The following EMP1 variants were observed in gnomAD, a reference collection of about 807,000 sequenced individuals.
EMP1 encodes epithelial membrane protein 1.
In EMP1, 5 loss-of-function variants were observed where a neutral mutation model predicts 15.7. The observed-to-expected ratio is 0.32, with a 90% CI of 0.17 to 0.67. The LOEUF (loss-of-function observed/expected upper bound fraction) is 0.67. Among genes scored for constraint, EMP1 ranks in the 30% least tolerant of loss-of-function variants. The pLI is 0.74. For synonymous variants in EMP1, 78 were observed against 76.7 expected (o/e 1.02, Z -0.09); for missense variants, 166 against 194.2 (o/e 0.85, Z 0.86).
At position 13,219,003 on chromosome 12, in the gene EMP1, T is replaced by G. The variant is rs1864237374; in HGVS notation, c.*4312T>G. The stretch of plus-strand genomic sequence containing the variant: ...CAATTGTCTGGCATCTCCTGTGGGT[T>G]GGACCACTGCTGCATTTCTTACTTG... On this transcript the variant is annotated 3_prime_UTR_variant, in exon 5 of 5. Transcript: ENST00000256951. The G allele has an allele frequency of 6.6e-6, 1 of 152,260 alleles. No homozygotes were observed. The highest frequency in any genetic ancestry group is 2.4e-5 in the African/African-American group (1 of 41,446). 9.4% of individuals were successfully genotyped at this position (152,260 alleles called of 1,614,324 possible).
At chr12:13,208,564 T>A (rs1243525599) in intron 1 of EMP1, among the ~76,000 whole-genome samples, 1 of 152,154 alleles carries the variant, frequency 6.6e-6, no homozygotes, top group Non-Finnish European at 1.5e-5. Context: ...TGAATGATAT[T>A]AGTAAAACCT....
Position 13,214,514 on chromosome 12 carries a change from A to G in EMP1, c.317-20A>G, listed in dbSNP as rs1459571293. 1.2e-6 allele frequency: 2 copies of G among 1,606,724 alleles called. No individual in the cohort carries two copies. Among genetic ancestry groups the G allele is most frequent in the African/African-American group, 1.3e-5 (1 of 74,742 alleles). On this transcript the variant is annotated intron_variant, in intron 4 of 4. Coordinates refer to ENST00000256951, the MANE Select transcript of EMP1 (RefSeq NM_001423.3). ...TTTAATGTAAGAAAACACACCGACAAATCTCCTTTTCCCCTGCAGGGCTGT... is the reference window on the plus strand; with the variant it reads ...TTTAATGTAAGAAAACACACCGACAGATCTCCTTTTCCCCTGCAGGGCTGT...
At chr12:13,208,625 C>T (rs1184458543) in intron 1 of EMP1, among the ~76,000 whole-genome samples, 1 of 152,212 alleles carries the variant, frequency 6.6e-6, no homozygotes, top group African/African-American at 2.4e-5. Flanking sequence ...TTAAGCTAAA[C>T]AGCCCCTCCT....
At chr12:13,200,865 ACGTG>A (rs1367786717) in intron 1 of EMP1, among the ~76,000 whole-genome samples, 1 of 152,212 alleles carries the variant, frequency 6.6e-6, no homozygotes, top group African/African-American at 2.4e-5. Flanking sequence ...GCTTGGACTT[ACGTG>A]GCTGTGACAG....
At chr12:13,198,431 G>A (rs546159465) in intron 1 of EMP1, among the ~76,000 whole-genome samples, 2 of 152,250 alleles carry the variant, frequency 1.3e-5, no homozygotes, top group East Asian at 3.9e-4. Context: ...CAGTACGTTG[G>A]GAGAGAAGTT....
intron 1 of EMP1, among the ~76,000 whole-genome samples, chr12:13,210,627 G>A (rs1217490859): frequency 2.0e-5 from 3 of 152,218 alleles, no homozygotes; most frequent in Admixed American, 6.5e-5. Context: ...ATTGGAATTT[G>A]TGTAAATGTC....
chr12:13,208,461 C>T (rs1302111522), intron 1 of EMP1, among the ~76,000 whole-genome samples: 1 of 152,142 alleles, frequency 6.6e-6, no homozygotes, highest in East Asian at 1.9e-4. Context: ...AGGGATGATT[C>T]AGCCCAGAAA....
chr12:13,207,928 C>T (rs1238231884), intron 1 of EMP1, among the ~76,000 whole-genome samples: 4 of 152,184 alleles, frequency 2.6e-5, no homozygotes, highest in South Asian at 4.1e-4. Flanking sequence ...TGGAACTGCT[C>T]AGTGCACCAA....
At chr12:13,204,159 T>G (rs1419490809) in intron 1 of EMP1, among the ~76,000 whole-genome samples, 1 of 152,130 alleles carries the variant, frequency 6.6e-6, no homozygotes, top group Non-Finnish European at 1.5e-5. Context: ...CTACCTGAGG[T>G]TCCTTCCTTC....
rs199851602 is a variant in EMP1 at position 13,213,710 on chromosome 12, A to T, written c.205A>T (p.Ile69Phe). 3.1e-5 allele frequency: 50 copies of T among 1,614,002 alleles called. 1 individual carries two copies. In the Admixed American group the frequency reaches 3.2e-4, roughly 10 times the overall value. Residue 69 changes from isoleucine (I) to phenylalanine (F), a missense_variant, in exon 4 of 5, where the codon ATT becomes TTT. Transcript: ENST00000256951. ...DALKTVQAFMILSIIFCVIAL... is the reference protein window; with the variant it reads ...DALKTVQAFMFLSIIFCVIAL... Reference sequence around the variant, plus strand: ...CCTCAAGACAGTGCAGGCCTTCATGATTCTCTCTATCATCTTCTGTGTCAT... The same window carrying T: ...CCTCAAGACAGTGCAGGCCTTCATGTTTCTCTCTATCATCTTCTGTGTCAT...
intron 1 of EMP1, among the ~76,000 whole-genome samples, chr12:13,199,956 T>A (rs1192069912): frequency 7.0e-6 from 1 of 143,568 alleles, no homozygotes; most frequent in South Asian, 2.3e-4. Flanking sequence ...CTTCTTCTTC[T>A]TCTTCTTCTT....
rs1320475195 is a variant in EMP1 at position 13,216,655 on chromosome 12, TG to T, written c.*1965del. The T allele has an allele frequency of 5.0e-6, 3 of 596,578 alleles. No homozygotes were observed. The African/African-American group carries it at 5.6e-5, about 11-fold the overall frequency. 37.0% of individuals were successfully genotyped at this position (596,578 alleles called of 1,614,324 possible). Reference sequence around the variant, plus strand: ...TGTAATTTGCATTACTCTGGTGGATTGTTCTAGTACTGTATTGGGCTTCTTC... The same window carrying T: ...TGTAATTTGCATTACTCTGGTGGATTTTCTAGTACTGTATTGGGCTTCTTC... On this transcript the variant is annotated 3_prime_UTR_variant, in exon 5 of 5. Transcript: ENST00000256951.
Position 13,211,408 on chromosome 12 carries a change from A to G in EMP1, c.-42-61A>G, listed in dbSNP as rs1864163288. 8.6e-7 allele frequency: 1 copy of G among 1,159,348 alleles called. No homozygotes were observed. Among genetic ancestry groups the G allele is most frequent in the African/African-American group, 1.5e-5 (1 of 64,538 alleles). 71.8% of individuals were successfully genotyped at this position (1,159,348 alleles called of 1,614,324 possible). ...AGCAGATAGCCCACACGTGTGGGAA[A>G]GCTGAGTCGTCTTATTGAATCTGAC... is the stretch of plus-strand genomic sequence containing the variant. On this transcript the variant is annotated intron_variant, in intron 1 of 4. Coordinates refer to ENST00000256951, the MANE Select transcript of EMP1 (RefSeq NM_001423.3). This position sits in a 1 kb window ranked among gnomAD's most constrained non-coding sequence, Gnocchi z 4.7.
rs1864216541 is a variant in EMP1 at position 13,216,476 on chromosome 12, TG to T, written c.*1786del. 1.4e-6 allele frequency: 1 copy of T among 702,508 alleles called. No individual in the cohort carries two copies. The allele number at this position is 702,508 out of a possible 1,614,324, so 43.5% of individuals were successfully genotyped here. A position where few individuals can be genotyped will look rare whatever the true frequency, so the allele number is the denominator to read the frequency against. On this transcript the variant is annotated 3_prime_UTR_variant, in exon 5 of 5. Coordinates refer to ENST00000256951, the MANE Select transcript of EMP1 (RefSeq NM_001423.3). ...TTGTCATTATGATTTCATTATCACA[TG>T]ATTATAGAAGGCTGTCTTAGTGCAA...
At chr12:13,208,708 A>G (rs1864135367) in intron 1 of EMP1, among the ~76,000 whole-genome samples, 1 of 152,216 alleles carries the variant, frequency 6.6e-6, no homozygotes, top group African/African-American at 2.4e-5. Context: ...AACTCAAGAC[A>G]TTTTGCTTCT....
rs572035476 is a variant in EMP1 at position 13,212,105 on chromosome 12, G to A, written c.78+517G>A. On this transcript the variant is annotated intron_variant, in intron 2 of 4. Transcript: ENST00000256951. ...ATTAGAAGGATAGATGGGAAGAAGA[G>A]GATGCCAGACTGACAAATTCAAATT... 1.2e-3 allele frequency among the ~76,000 whole-genome samples: 187 copies of A among 152,298 alleles called. 1 individual carries two copies. The highest frequency in any genetic ancestry group is 4.3e-3 in the African/African-American group (178 of 41,552).
intron 1 of EMP1, among the ~76,000 whole-genome samples, chr12:13,207,232 C>T (rs1250946605): frequency 6.6e-6 from 1 of 152,134 alleles, no homozygotes; most frequent in African/African-American, 2.4e-5. Context: ...CTGCCTCAGC[C>T]TCCCCAGTAG....
In EMP1 at chr12:13,219,707, T is replaced by C. The variant is rs1864242970; in HGVS notation, c.*5016T>C. 1 of 152,226 alleles carries C rather than the reference T, an allele frequency of 6.6e-6. No individual in the cohort carries two copies. Among genetic ancestry groups the C allele is most frequent in the Non-Finnish European group, 1.5e-5 (1 of 68,044 alleles). 9.4% of individuals were successfully genotyped at this position (152,226 alleles called of 1,614,324 possible). ...TACACTTGGCACATGAGGGACTTTA[T>C]GATATTAAGAGATTAATTAAACAAC... On this transcript the variant is annotated 3_prime_UTR_variant, in exon 5 of 5. Coordinates refer to ENST00000256951, the MANE Select transcript of EMP1 (RefSeq NM_001423.3).
In EMP1 at chr12:13,214,779, AC is replaced by A. The variant is rs1864199265; in HGVS notation, c.*90del. ...AAGTGGAGGTTGCTGTACAGGAAAA[AC>A]CGAGATAGGGGAGGGGGGAGGGGGA... On this transcript the variant is annotated 3_prime_UTR_variant, in exon 5 of 5. Transcript: ENST00000256951. 4.9e-6 allele frequency: 1 copy of A among 203,324 alleles called. No homozygotes were observed. The highest frequency in any genetic ancestry group is 1.8e-4 in the East Asian group (1 of 5,650). The allele number at this position is 203,324 out of a possible 1,614,324, so 12.6% of individuals were successfully genotyped here. A position where few individuals can be genotyped will look rare whatever the true frequency, so the allele number is the denominator to read the frequency against.
Sources: gnomAD v4.1 joint callset for allele counts (sites outside exome capture counted in the v4.1 genomes callset) on GRCh38, gnomAD v4.1.1 for gene constraint, Gnocchi (gnomAD v3.1) non-coding constraint, MANE v1.5 for transcripts, NCBI Gene and HGNC (gene_info 2026-07-23, HGNC 2026-07-21) for gene names.